LRRFIP1: variants seen among roughly 807,000 people sequenced by gnomAD.
LRRFIP1 encodes leucine-rich repeat flightless-interacting protein 1.
In LRRFIP1, 62 loss-of-function variants were observed where a neutral mutation model predicts 104.4. The observed-to-expected ratio is 0.59, with a 90% CI of 0.48 to 0.73. The LOEUF is 0.73. Among genes scored for constraint, LRRFIP1 ranks in the 30% least tolerant of loss-of-function variants. The pLI is 0.00. For synonymous variants in LRRFIP1, 300 were observed against 299.0 expected (o/e 1.00, Z -0.03); for missense variants, 796 against 824.5 (o/e 0.97, Z 0.42).
intron 1 of LRRFIP1, among the ~76,000 whole-genome samples, chr2:237,678,521 T>C (rs1157101081): frequency 6.6e-6 from 1 of 152,122 alleles, no homozygotes; most frequent in African/African-American, 2.4e-5. Flanking sequence ...TTTTTCTTTT[T>C]TTGAGACAGA....
rs988869631 is a variant in LRRFIP1 at position 237,673,717 on chromosome 2, G to A, written c.97-34827G>A. 2.6e-5 allele frequency among the ~76,000 whole-genome samples: 4 copies of A among 152,182 alleles called. No individual in the cohort carries two copies. In the South Asian group the frequency reaches 6.2e-4, roughly 24 times the overall value. On this transcript the variant is annotated intron_variant, in intron 1 of 23. Transcript: ENST00000308482. The stretch of plus-strand genomic sequence containing the variant: ...CACATTGGCAGCAGTGGCGGGGAGG[G>A]TACCGTTTGGGGACAATTCAGATCA...
At chr2:237,701,590 C>T (rs960068893) in intron 1 of LRRFIP1, among the ~76,000 whole-genome samples, 1 of 152,214 alleles carries the variant, frequency 6.6e-6, no homozygotes, top group Non-Finnish European at 1.5e-5. Flanking sequence ...GAAGAAGGGA[C>T]GGCCATTATC....
At chr2:237,640,730 C>T (rs1372744881) in intron 1 of LRRFIP1, among the ~76,000 whole-genome samples, 4 of 152,220 alleles carry the variant, frequency 2.6e-5, no homozygotes, top group Non-Finnish European at 5.9e-5. Flanking sequence ...CCTGGGCCTC[C>T]GCAGCTCTCT....
At chr2:237,658,887 C>T (rs2087325418) in intron 1 of LRRFIP1, among the ~76,000 whole-genome samples, 1 of 152,058 alleles carries the variant, frequency 6.6e-6, no homozygotes. Context: ...CAAAGCCTAA[C>T]CATATCAGTG....
chr2:237,729,713 T>G, intron 8 of LRRFIP1: 1 of 756,428 alleles, frequency 1.3e-6, no homozygotes, highest in Non-Finnish European at 1.6e-6. Context: ...TTGAATGGGA[T>G]GGGGGTGCTT....
In LRRFIP1 at chr2:237,703,943, G is replaced by C. The variant is rs2149948658; in HGVS notation, c.97-4601G>C. 6.6e-6 allele frequency among the ~76,000 whole-genome samples: 1 copy of C among 152,144 alleles called. No individual in the cohort carries two copies. Among genetic ancestry groups the C allele is most frequent in the East Asian group, 1.9e-4 (1 of 5,146 alleles). Reference sequence around the variant, plus strand: ...CTGACGTGGCTGTGGCCCGTCATGAGATTTTATATTTTACAAAAGTGTCAG... The same window carrying C: ...CTGACGTGGCTGTGGCCCGTCATGACATTTTATATTTTACAAAAGTGTCAG... On this transcript the variant is annotated intron_variant, in intron 1 of 23. Coordinates refer to ENST00000308482, the MANE Select transcript of LRRFIP1 (RefSeq NM_001137550.2). The surrounding 1 kb of genome is among the most constrained non-coding windows in gnomAD (Gnocchi z 4.3).
rs781771400 is a variant in LRRFIP1 at position 237,760,099 on chromosome 2, C to T, written c.1353C>T (p.Thr451=). The stretch of plus-strand genomic sequence containing the variant: ...TAATCCTAAATTCAGAAATAGCTAC[C>T]AATGGAGAGACTTCCGACACCCTCA... The part of the protein sequence containing the change: ...HGIILNSEIA[T]NGETSDTLNN... The change falls in exon 19 of 24, where the codon ACC becomes ACT. Residue 451 remains threonine (T), a synonymous_variant. Coordinates refer to ENST00000308482, the MANE Select transcript of LRRFIP1 (RefSeq NM_001137550.2). The T allele has an allele frequency of 1.2e-6, 2 of 1,613,636 alleles. No individual in the cohort carries two copies. Among genetic ancestry groups the T allele is most frequent in the Non-Finnish European group, 1.7e-6 (2 of 1,179,678 alleles).
chr2:237,635,212 G>C (rs1328779477), intron 1 of LRRFIP1, among the ~76,000 whole-genome samples: 2 of 152,168 alleles, frequency 1.3e-5, no homozygotes, highest in African/African-American at 4.8e-5. Flanking sequence ...TTGATACTTT[G>C]GTTGTGTATA....
chr2:237,702,740 G>T lies in LRRFIP1; in HGVS notation c.97-5804G>T, dbSNP rs192864300. On this transcript the variant is annotated intron_variant, in intron 1 of 23. Coordinates refer to ENST00000308482, the MANE Select transcript of LRRFIP1 (RefSeq NM_001137550.2). ...ATGCATGTCCTGCTGCACGGCAGGGGCCCTTATCTTGAACGACTCCACATA... is the reference window on the plus strand; with the variant it reads ...ATGCATGTCCTGCTGCACGGCAGGGTCCCTTATCTTGAACGACTCCACATA... Among the ~76,000 whole-genome samples the T allele has an allele frequency of 1.9e-3, 291 of 152,286 alleles. 4 individuals carry two copies. Among genetic ancestry groups the T allele is most frequent in the Admixed American group, 0.014 (207 of 15,300 alleles).
At chr2:237,653,025 C>T (rs184536898) in intron 1 of LRRFIP1, among the ~76,000 whole-genome samples, 1 of 152,294 alleles carries the variant, frequency 6.6e-6, no homozygotes, top group Admixed American at 6.5e-5. Flanking sequence ...TCCCCCTTCA[C>T]TCTCTCTCTC....
In LRRFIP1 at chr2:237,780,189, A is replaced by G. The variant is rs958680687; in HGVS notation, c.*657A>G. On this transcript the variant is annotated 3_prime_UTR_variant, in exon 24 of 24. Coordinates refer to ENST00000308482, the MANE Select transcript of LRRFIP1 (RefSeq NM_001137550.2). ...TACTTTTTTCCAGGGTAATTAGGCA[A>G]TAGCTTCACTGAAAATGACAGCTTT... 1 of 152,228 alleles carries G rather than the reference A, an allele frequency of 6.6e-6. No individual in the cohort carries two copies. Among genetic ancestry groups the G allele is most frequent in the African/African-American group, 2.4e-5 (1 of 41,450 alleles). The allele number at this position is 152,228 out of a possible 1,614,324, so 9.4% of individuals were successfully genotyped here.
intron 13 of LRRFIP1, among the ~76,000 whole-genome samples, chr2:237,750,326 C>CTTTTT (rs928510240): frequency 0.015 from 911 of 60,668 alleles, 18 homozygotes; most frequent in Non-Finnish European, 0.021. Context: ...TTCTTTCTTT[C>CTTTTT]TTTTTTTTTT....
chr2:237,631,410 A>G (rs1425217803), intron 1 of LRRFIP1, among the ~76,000 whole-genome samples: 2 of 152,188 alleles, frequency 1.3e-5, no homozygotes, highest in African/African-American at 4.8e-5. Flanking sequence ...TCCTGCTTCC[A>G]TGTGATGGTT....
intron 21 of LRRFIP1, 96 bp downstream of exon 21, chr2:237,772,294 C>T: frequency 9.0e-6 from 8 of 886,796 alleles, no homozygotes; most frequent in South Asian, 1.5e-5. Context: ...AAAGAATGCC[C>T]TCATTCCCTC....
intron 3 of LRRFIP1, among the ~76,000 whole-genome samples, chr2:237,715,674 C>T (rs546560739): frequency 2.0e-5 from 3 of 152,226 alleles, no homozygotes; most frequent in African/African-American, 4.8e-5. Flanking sequence ...GGAGAGGAGG[C>T]GGCGATTGCG....
In LRRFIP1 at chr2:237,780,039, C is replaced by T. The variant is rs2061396385; in HGVS notation, c.*507C>T. On this transcript the variant is annotated 3_prime_UTR_variant, in exon 24 of 24. Coordinates refer to ENST00000308482, the MANE Select transcript of LRRFIP1 (RefSeq NM_001137550.2). ...ACACTGTGGAACCACAAGCCATTAC[C>T]AAGCAAAACTCTTTCACTGGAAACA... The T allele has an allele frequency of 1.3e-5, 2 of 152,350 alleles. No individual in the cohort carries two copies. The highest frequency in any genetic ancestry group is 1.3e-4 in the Admixed American group (2 of 15,284). 9.4% of individuals were successfully genotyped at this position (152,350 alleles called of 1,614,324 possible).
At chr2:237,771,813 G>C (rs2150922767) in intron 20 of LRRFIP1, 3 of 371,206 alleles carry the variant, frequency 8.1e-6, no homozygotes, top group East Asian at 9.3e-5. Context: ...GACTTACTGA[G>C]TCTTAAACAT....
chr2:237,779,288 A>C, intron 23 of LRRFIP1, 134 bp from the exon 24 acceptor site: 2 of 1,342,006 alleles, frequency 1.5e-6, no homozygotes. Flanking sequence ...CAGAGGAGGA[A>C]GGGCATCATG....
In LRRFIP1 at chr2:237,764,626, T is replaced by C. The variant is rs1401517142; in HGVS notation, c.1459+4421T>C. The C allele has an allele frequency of 1.3e-5, 13 of 988,304 alleles. No individual in the cohort carries two copies. In the African/African-American group the frequency reaches 2.1e-4, roughly 16 times the overall value. 61.2% of individuals were successfully genotyped at this position (988,304 alleles called of 1,614,324 possible). On this transcript the variant is annotated intron_variant, in intron 19 of 23. Coordinates refer to ENST00000308482, the MANE Select transcript of LRRFIP1 (RefSeq NM_001137550.2). The stretch of plus-strand genomic sequence containing the variant: ...TTTAAAATGTACATTATAACCTGTA[T>C]GGTATTTTATTTAAAGGAGATAAAC...
Sources: gnomAD v4.1 joint callset for allele counts (sites outside exome capture counted in the v4.1 genomes callset) on GRCh38, gnomAD v4.1.1 for gene constraint, Gnocchi (gnomAD v3.1) non-coding constraint, MANE v1.5 for transcripts, NCBI Gene and HGNC (gene_info 2026-07-23, HGNC 2026-07-21) for gene names.